Variants in NGF observed in about 807,000 individuals in gnomAD.
NGF encodes beta-nerve growth factor.
NGF carries 4 observed loss-of-function variants against 12.8 expected under a neutral mutation model. The observed-to-expected ratio is 0.31, with a 90% confidence interval of 0.15 to 0.72. NGF has a LOEUF of 0.72. Ranked by LOEUF, NGF falls within the 30% of genes least tolerant of loss-of-function variation. NGF has a pLI of 0.69. For missense variants in NGF, 283 were observed against 330.8 expected (o/e 0.86, Z 1.12); for synonymous variants, 140 against 130.0 (o/e 1.08, Z -0.52).
chr1:115,291,963 C>G (rs1218017633), intron 2 of NGF, among the ~76,000 whole-genome samples: 1 of 152,126 alleles, frequency 6.6e-6, no homozygotes, highest in Non-Finnish European at 1.5e-5. Flanking sequence ...ACCAGGGTCA[C>G]TAACAGTTGG....
intron 1 of NGF, among the ~76,000 whole-genome samples, chr1:115,311,475 T>C (rs1654333819): frequency 6.6e-6 from 1 of 151,920 alleles, no homozygotes; most frequent in Non-Finnish European, 1.5e-5. Flanking sequence ...ACAAGGGACA[T>C]TTGGCGATGT....
chr1:115,291,578 T>C (rs1240660976), intron 2 of NGF, among the ~76,000 whole-genome samples: 1 of 152,234 alleles, frequency 6.6e-6, no homozygotes, highest in African/African-American at 2.4e-5. Context: ...GATCCATGAC[T>C]AAGAGTGGGG....
At chr1:115,295,661 G>T (rs2856811) in intron 1 of NGF, among the ~76,000 whole-genome samples, 87,725 of 151,958 alleles carry the variant, frequency 0.58, 25,733 homozygotes, top group Non-Finnish European at 0.64. Flanking sequence ...AGGAGATTCA[G>T]TTCATCTTTG....
intron 1 of NGF, among the ~76,000 whole-genome samples, chr1:115,329,308 C>G (rs984101122): frequency 1.3e-5 from 2 of 152,130 alleles, no homozygotes; most frequent in Non-Finnish European, 2.9e-5. Context: ...ACTTAATCTA[C>G]ACAACAGCTA....
At chr1:115,308,919 G>A (rs1415522909) in intron 1 of NGF, among the ~76,000 whole-genome samples, 1 of 148,676 alleles carries the variant, frequency 6.7e-6, no homozygotes, top group Admixed American at 6.6e-5. Flanking sequence ...TGATATTGGT[G>A]TTAAAGATTT....
At chr1:115,307,614 A>G (rs1462450057) in intron 1 of NGF, among the ~76,000 whole-genome samples, 2 of 152,264 alleles carry the variant, frequency 1.3e-5, no homozygotes, top group Non-Finnish European at 2.9e-5. Flanking sequence ...ATAATAAGCA[A>G]CAACTCTACC....
chr1:115,333,723 T>C (rs11579116), intron 1 of NGF, among the ~76,000 whole-genome samples: 11 of 128,174 alleles, frequency 8.6e-5, no homozygotes, highest in Admixed American at 4.2e-4. Flanking sequence ...CTTTTCTTTC[T>C]TTCCTTCTTT....
chr1:115,318,429 G>A (rs1010408364), intron 1 of NGF, among the ~76,000 whole-genome samples: 2 of 152,178 alleles, frequency 1.3e-5, no homozygotes, highest in African/African-American at 4.8e-5. Context: ...GATAACCCCA[G>A]GCTCCAAGGC....
intron 1 of NGF, among the ~76,000 whole-genome samples, chr1:115,321,670 A>T (rs928384944): frequency 6.6e-6 from 1 of 151,356 alleles, no homozygotes; most frequent in Non-Finnish European, 1.5e-5. Context: ...GGAGGGGAGA[A>T]GAAACCTTAT....
chr1:115,301,002 T>C (rs575023965), intron 1 of NGF, among the ~76,000 whole-genome samples: 269 of 152,308 alleles, frequency 1.8e-3, no homozygotes, highest in African/African-American at 6.1e-3. Context: ...TTTCATTATC[T>C]CAGGAGGAAA....
At chr1:115,322,752 G>C (rs965598586) in intron 1 of NGF, among the ~76,000 whole-genome samples, 1 of 152,090 alleles carries the variant, frequency 6.6e-6, no homozygotes, top group Admixed American at 6.5e-5. Context: ...TTTTGCAGCT[G>C]GCTTAATGGG....
chr1:115,307,375 C>T (rs1395675803), intron 1 of NGF, among the ~76,000 whole-genome samples: 1 of 151,922 alleles, frequency 6.6e-6, no homozygotes, highest in East Asian at 1.9e-4. Flanking sequence ...ATCCAGAGGG[C>T]AAAGGAGCAA....
At chr1:115,287,501 G>C (rs1289714526) in intron 2 of NGF, among the ~76,000 whole-genome samples, 1 of 152,170 alleles carries the variant, frequency 6.6e-6, no homozygotes, top group Non-Finnish European at 1.5e-5. Flanking sequence ...TCCTCTTTGT[G>C]TGATGTTTTT....
At chr1:115,312,682 A>G (rs903575752) in intron 1 of NGF, among the ~76,000 whole-genome samples, 10 of 152,204 alleles carry the variant, frequency 6.6e-5, no homozygotes, top group African/African-American at 2.4e-4. Context: ...GTACAAGCCA[A>G]CTAACAAAAT....
At chr1:115,310,159 G>C (rs1462296652) in intron 1 of NGF, among the ~76,000 whole-genome samples, 1 of 152,196 alleles carries the variant, frequency 6.6e-6, no homozygotes, top group Non-Finnish European at 1.5e-5. Flanking sequence ...AGAGATTAAG[G>C]AGAATACGCA....
At chr1:115,327,431 G>A (rs1368134058) in intron 1 of NGF, among the ~76,000 whole-genome samples, 1 of 152,138 alleles carries the variant, frequency 6.6e-6, no homozygotes, top group African/African-American at 2.4e-5. Context: ...GCTGACACAT[G>A]GGCATGAAAT....
intron 1 of NGF, among the ~76,000 whole-genome samples, chr1:115,328,162 A>G (rs1040463605): frequency 1.7e-5 from 2 of 119,580 alleles, no homozygotes; most frequent in African/African-American, 8.4e-5. Flanking sequence ...AGGGCATTTT[A>G]CTAGGGAGAG....
intron 1 of NGF, among the ~76,000 whole-genome samples, chr1:115,330,964 C>A (rs548827186): frequency 2.6e-4 from 39 of 152,238 alleles, no homozygotes; most frequent in Non-Finnish European, 5.0e-4. Context: ...GGGCAAGCAG[C>A]CACAGGCCTC....
At chr1:115,301,976 C>T (rs1054162957) in intron 1 of NGF, among the ~76,000 whole-genome samples, 5 of 152,178 alleles carry the variant, frequency 3.3e-5, no homozygotes, top group Non-Finnish European at 7.3e-5. Context: ...CTTGGTTATC[C>T]AGGGATTTGG....
Sources: gnomAD v4.1 joint callset for allele counts (sites outside exome capture counted in the v4.1 genomes callset) on GRCh38, gnomAD v4.1.1 for gene constraint, MANE v1.5 for transcripts, NCBI Gene and HGNC (gene_info 2026-07-23, HGNC 2026-07-21) for gene names.